The following FRYL variants were observed in gnomAD, a reference collection of about 807,000 sequenced individuals.
FRYL encodes FRY like transcription coactivator, also known as protein furry homolog-like.
In FRYL, 150 loss-of-function variants were observed where a neutral mutation model predicts 351.2. The observed-to-expected ratio is 0.43, with a 90% CI of 0.37 to 0.49. FRYL has a LOEUF of 0.49. FRYL is among the 20% of genes least tolerant of loss of function. The pLI, the probability that FRYL is intolerant of heterozygous loss-of-function variation, is 0.00. For synonymous variants in FRYL, 1,153 were observed against 1,257.1 expected, an observed-to-expected ratio of 0.92 and a Z score of 1.75; for missense variants, 3,036 against 3,619.3, an observed-to-expected ratio of 0.84 and a Z score of 4.13.
intron 23 of FRYL, 41 bp from the exon 24 acceptor site, chr4:48,576,263 C>T (rs1350008726): frequency 8.7e-6 from 12 of 1,376,548 alleles, no homozygotes; most frequent in Non-Finnish European, 9.8e-6. Flanking sequence ...ATGAATAACA[C>T]AACACGTTTT....
intron 3 of FRYL, among the ~76,000 whole-genome samples, chr4:48,656,427 T>A: frequency 7.4e-6 from 1 of 135,206 alleles, no homozygotes; most frequent in African/African-American, 2.7e-5. Context: ...ATATATAATG[T>A]ATAATCATGT....
chr4:48,711,437 T>C, intron 1 of FRYL, among the ~76,000 whole-genome samples: 1 of 152,394 alleles, frequency 6.6e-6, no homozygotes, highest in East Asian at 1.9e-4. Context: ...CAGAGGGTCC[T>C]ACGACCACGG....
At chr4:48,502,914 A>G in intron 60 of FRYL, 69 bp from the exon 61 acceptor site, 1 of 1,305,470 alleles carries the variant, frequency 7.7e-7, no homozygotes, top group Admixed American at 1.8e-5. Flanking sequence ...AGTGTAAGAA[A>G]TCATTTTAAC....
intron 3 of FRYL, chr4:48,654,035 T>C (rs947328952): frequency 2.8e-6 from 2 of 714,100 alleles, no homozygotes; most frequent in Non-Finnish European, 3.8e-6. Context: ...AAGTTTATTA[T>C]AAGTGCCCAG....
chr4:48,713,114 G>T (rs6846753), intron 1 of FRYL, among the ~76,000 whole-genome samples: 6 of 151,794 alleles, frequency 4.0e-5, no homozygotes, highest in Non-Finnish European at 7.4e-5. Context: ...GGTACCAGCC[G>T]CTGCAAAATC....
At chr4:48,674,209 GAA>G (rs1214721210) in intron 3 of FRYL, among the ~76,000 whole-genome samples, 1 of 152,072 alleles carries the variant, frequency 6.6e-6, no homozygotes, top group East Asian at 1.9e-4. Flanking sequence ...TCAACAGTCA[GAA>G]AACATTGTTA....
At position 48,510,915 on chromosome 4, in the gene FRYL, T is replaced by C. The variant is rs1242305193; in HGVS notation, c.8215A>G (p.Ile2739Val). 1.2e-5 allele frequency: 20 copies of C among 1,612,102 alleles called. No individual in the cohort carries two copies. In the East Asian group the frequency reaches 4.2e-4, roughly 34 times the overall value. The change falls in exon 58 of 64, where the codon ATT becomes GTT. Residue 2739 changes from isoleucine (I) to valine (V), a missense_variant. Transcript: ENST00000358350. ...AAGGAACTTTTAAATTTGGTACCAA[T>C]GCGTTGCAGACTATCACCAAGAAAG... Reference protein sequence around the residue: ...VSFLGDSLQRIGTKFKSSLEV... With the variant: ...VSFLGDSLQRVGTKFKSSLEV...
At chr4:48,551,052 C>T (rs144174659) in intron 37 of FRYL, among the ~76,000 whole-genome samples, 304 of 150,334 alleles carry the variant, frequency 2.0e-3, no homozygotes, top group African/African-American at 7.0e-3. Context: ...GGCAACAGAG[C>T]GAGACTCCAT....
At chr4:48,586,497 T>A (rs1742138682) in intron 19 of FRYL, 124 bp downstream of exon 19, 1 of 538,838 alleles carries the variant, frequency 1.9e-6, no homozygotes, top group South Asian at 2.7e-5. Context: ...AGAAAGTAAA[T>A]CAGATAAAGG....
intron 1 of FRYL, among the ~76,000 whole-genome samples, chr4:48,716,714 C>T (rs973398222): frequency 1.5e-4 from 22 of 151,438 alleles, no homozygotes; most frequent in South Asian, 2.1e-4. Context: ...GTCAGTGTGG[C>T]GATTTCTCAG....
At chr4:48,554,856 A>C (rs896061806) in intron 35 of FRYL, among the ~76,000 whole-genome samples, 1 of 151,778 alleles carries the variant, frequency 6.6e-6, no homozygotes, top group Non-Finnish European at 1.5e-5. Flanking sequence ...CCCATCCCCC[A>C]CCTTAACTCT....
At chr4:48,740,577 G>A (rs910815302) in intron 1 of FRYL, among the ~76,000 whole-genome samples, 8 of 152,086 alleles carry the variant, frequency 5.3e-5, no homozygotes, top group African/African-American at 1.9e-4. Flanking sequence ...TTAGAGGGGT[G>A]AGCCACCATG....
rs186063873 is a variant in FRYL at position 48,521,395 on chromosome 4, C to G, written c.7522-180G>C. Among the ~76,000 whole-genome samples the G allele has an allele frequency of 3.9e-5, 6 of 152,216 alleles. No homozygotes were observed. In the East Asian group the frequency reaches 1.2e-3, roughly 29 times the overall value. On this transcript the variant is annotated intron_variant, in intron 54 of 63. Coordinates refer to ENST00000358350, the MANE Select transcript of FRYL (RefSeq NM_015030.2). The stretch of plus-strand genomic sequence containing the variant: ...GTGTTGTTAGGGTAAGCAGCTAATC[C>G]CTCGGTAGAACTAAGTACACATTAA...
intron 1 of FRYL, among the ~76,000 whole-genome samples, chr4:48,733,210 G>C (rs1021573177): frequency 3.3e-5 from 5 of 151,808 alleles, no homozygotes; most frequent in Non-Finnish European, 5.9e-5. Flanking sequence ...GGGAGGTGGA[G>C]ACTGCAGTGA....
intron 13 of FRYL, 114 bp from the exon 14 acceptor site, chr4:48,596,114 G>T: frequency 2.9e-6 from 2 of 678,564 alleles, no homozygotes; most frequent in Non-Finnish European, 2.5e-6. Context: ...GTCTAAAATA[G>T]GTTTAAATAC....
At chr4:48,529,761 A>G (rs959736660) in intron 50 of FRYL, among the ~76,000 whole-genome samples, 1 of 152,198 alleles carries the variant, frequency 6.6e-6, no homozygotes, top group Non-Finnish European at 1.5e-5. Context: ...GGCTTCCGAA[A>G]GACCACTTCA....
chr4:48,759,085 G>A (rs190437339), intron 1 of FRYL, among the ~76,000 whole-genome samples: 13 of 152,294 alleles, frequency 8.5e-5, no homozygotes, highest in Admixed American at 2.6e-4. Context: ...CTGTCATGGC[G>A]TTGGGGGAAG....
At position 48,767,926 on chromosome 4, in the gene FRYL, G is replaced by A. The variant is rs1436258637; in HGVS notation, c.-384+12152C>T. Among the ~76,000 whole-genome samples, 5 of 152,208 alleles carry A rather than the reference G, an allele frequency of 3.3e-5. No individual in the cohort carries two copies. The South Asian group carries it at 1.0e-3, about 32-fold the overall frequency. Reference sequence around the variant, plus strand: ...TAGATTCCAGCACAGCCCCAGCGGTGCCCTCAGAGATCCCCTTGTGGGTAA... The same window carrying A: ...TAGATTCCAGCACAGCCCCAGCGGTACCCTCAGAGATCCCCTTGTGGGTAA... On this transcript the variant is annotated intron_variant, in intron 1 of 63. Coordinates refer to ENST00000358350, the MANE Select transcript of FRYL (RefSeq NM_015030.2).
intron 1 of FRYL, among the ~76,000 whole-genome samples, chr4:48,745,727 A>G (rs1207854113): frequency 3.3e-5 from 5 of 152,188 alleles, no homozygotes; most frequent in Admixed American, 3.3e-4. Flanking sequence ...CGTTGTGCAC[A>G]TGTACCCTAG....
Sources: allele counts gnomAD v4.1 joint callset (sites outside exome capture counted in the v4.1 genomes callset), GRCh38; gene constraint gnomAD v4.1.1; transcripts MANE v1.5; gene names NCBI Gene and HGNC (gene_info 2026-07-23, HGNC 2026-07-21).